The following LTBP1 variants were observed in gnomAD, a reference collection of about 807,000 sequenced individuals.
LTBP1 encodes latent-transforming growth factor beta-binding protein 1.
LTBP1 carries 129 observed loss-of-function variants against 207.6 expected under a neutral mutation model. The ratio of observed to expected loss-of-function variants is 0.62; its 90% CI spans 0.54 to 0.72. LTBP1 has a LOEUF of 0.72. LTBP1 is among the 30% of genes least tolerant of loss of function. The pLI is 0.00. For missense variants in LTBP1, 2,281 were observed against 2,217.2 expected, an observed-to-expected ratio of 1.03 and a Z score of -0.58; for synonymous variants, 963 against 833.7, an observed-to-expected ratio of 1.16 and a Z score of -2.67.
Position 33,102,643 on chromosome 2 carries a change from T to C in LTBP1, c.864-7939T>C, listed in dbSNP as rs80243735. On this transcript the variant is annotated intron_variant, in intron 3 of 33. Transcript: ENST00000404816. Reference sequence around the variant, plus strand: ...CTCTTATATTTTCATTTCTCCCATTTTCCTGACTTTGTGTTTGCTCCTTTC... The same window carrying C: ...CTCTTATATTTTCATTTCTCCCATTCTCCTGACTTTGTGTTTGCTCCTTTC... 3.1e-3 allele frequency among the ~76,000 whole-genome samples: 477 copies of C among 152,344 alleles called. 2 individuals are homozygous for C. Among genetic ancestry groups the C allele is most frequent in the African/African-American group, 0.011 (452 of 41,584 alleles).
chr2:33,383,969 T>C (rs2095244220), intron 31 of LTBP1, among the ~76,000 whole-genome samples: 1 of 152,222 alleles, frequency 6.6e-6, no homozygotes, highest in Non-Finnish European at 1.5e-5. Context: ...CTCTCTACCA[T>C]TTCTAAAAAC....
At chr2:33,285,451 C>CTT (rs199993814) in intron 19 of LTBP1, among the ~76,000 whole-genome samples, 18,186 of 124,296 alleles carry the variant, frequency 0.15, 1,919 homozygotes, top group African/African-American at 0.23. Flanking sequence ...CTTTCTTTTT[C>CTT]TTTTTTTTTT....
At chr2:33,177,935 G>A (rs6543699) in intron 5 of LTBP1, among the ~76,000 whole-genome samples, 66,053 of 151,966 alleles carry the variant, frequency 0.43, 15,091 homozygotes, top group Non-Finnish European at 0.5. Flanking sequence ...ATCACATTAC[G>A]CTAGCCAAAA....
chr2:33,093,948 A>C (rs1021637547), intron 3 of LTBP1, among the ~76,000 whole-genome samples: 1 of 152,208 alleles, frequency 6.6e-6, no homozygotes, highest in Non-Finnish European at 1.5e-5. Context: ...AGTGGGACTT[A>C]GAACTCAGCA....
At chr2:33,137,587 C>T (rs2082249204) in intron 5 of LTBP1, among the ~76,000 whole-genome samples, 1 of 152,220 alleles carries the variant, frequency 6.6e-6, no homozygotes, top group Non-Finnish European at 1.5e-5. Flanking sequence ...GAGTGCCATT[C>T]TCTAAGGAGT....
At chr2:33,354,518 C>T (rs528663315) in intron 26 of LTBP1, among the ~76,000 whole-genome samples, 5 of 152,066 alleles carry the variant, frequency 3.3e-5, no homozygotes, top group South Asian at 4.2e-4. Context: ...CCACATCCAG[C>T]GATGACAATG....
At chr2:33,060,709 T>C (rs1313166610) in intron 3 of LTBP1, among the ~76,000 whole-genome samples, 1 of 151,588 alleles carries the variant, frequency 6.6e-6, no homozygotes, top group Non-Finnish European at 1.5e-5. Context: ...TGGCTAACTG[T>C]GGTCTTTAAT....
chr2:33,139,720 G>T (rs141428448), intron 5 of LTBP1, among the ~76,000 whole-genome samples: 1 of 152,136 alleles, frequency 6.6e-6, no homozygotes, highest in African/African-American at 2.4e-5. Context: ...GGGAGTAGAG[G>T]GAAGAGAGAA....
At chr2:33,240,006 A>G (rs1450571695) in intron 9 of LTBP1, among the ~76,000 whole-genome samples, 1 of 152,186 alleles carries the variant, frequency 6.6e-6, no homozygotes, top group African/African-American at 2.4e-5. Context: ...CTATTTATAA[A>G]ATGACAAATA....
Position 32,963,514 on chromosome 2 carries a change from A to G in LTBP1, c.565+14569A>G, listed in dbSNP as rs543607740. Among the ~76,000 whole-genome samples, 4 of 152,206 alleles carry G rather than the reference A, an allele frequency of 2.6e-5. No homozygotes were observed. In the South Asian group the frequency reaches 8.3e-4, roughly 32 times the overall value. On this transcript the variant is annotated intron_variant, in intron 2 of 33. Coordinates refer to ENST00000404816, the MANE Select transcript of LTBP1 (RefSeq NM_206943.4). ...GTGTGAGCCACTGCACCTGACCACC[A>G]TGCACATTAATACACATTCTATACT...
intron 26 of LTBP1, among the ~76,000 whole-genome samples, chr2:33,358,909 C>G (rs894340829): frequency 1.3e-5 from 2 of 152,100 alleles, no homozygotes; most frequent in Non-Finnish European, 2.9e-5. Flanking sequence ...GCCCTTCTAA[C>G]GAAGATCCGT....
chr2:33,318,332 CAGCTATTTGT>C (rs1559002852), intron 24 of LTBP1, among the ~76,000 whole-genome samples: 22 of 152,090 alleles, frequency 1.4e-4, no homozygotes, highest in African/African-American at 4.3e-4. Flanking sequence ...GGTGGGTGGG[CAGCTATTTGT>C]CATTTATTCA....
chr2:33,376,050 C>G (rs1210477574), intron 31 of LTBP1, among the ~76,000 whole-genome samples: 1 of 152,070 alleles, frequency 6.6e-6, no homozygotes, highest in African/African-American at 2.4e-5. Flanking sequence ...CATATAAATT[C>G]TATTAATTAA....
At chr2:33,244,729 A>G (rs144797657) in intron 10 of LTBP1, among the ~76,000 whole-genome samples, 1 of 152,338 alleles carries the variant, frequency 6.6e-6, no homozygotes, top group Non-Finnish European at 1.5e-5. Flanking sequence ...TAGCATGACT[A>G]TAGACATGGG....
chr2:33,044,547 C>T (rs1195900001), intron 3 of LTBP1, among the ~76,000 whole-genome samples: 2 of 152,126 alleles, frequency 1.3e-5, no homozygotes, highest in East Asian at 3.9e-4. Flanking sequence ...CAAGTCCTTG[C>T]TATTGTGAAC....
intron 13 of LTBP1, among the ~76,000 whole-genome samples, 192 bp downstream of exon 13, chr2:33,259,802 G>A (rs910232397): frequency 1.1e-4 from 16 of 152,048 alleles, no homozygotes; most frequent in Non-Finnish European, 4.4e-5. Flanking sequence ...ACTCTTCTCA[G>A]TGTTAGGAAA....
At chr2:33,305,750 G>A (rs1237792943) in intron 22 of LTBP1, among the ~76,000 whole-genome samples, 2 of 152,104 alleles carry the variant, frequency 1.3e-5, no homozygotes, top group Admixed American at 1.3e-4. Context: ...TGAGGAAATG[G>A]GTAAGAACCA....
At chr2:33,161,859 G>C (rs538729600) in intron 5 of LTBP1, among the ~76,000 whole-genome samples, 1 of 152,282 alleles carries the variant, frequency 6.6e-6, no homozygotes, top group South Asian at 2.1e-4. Context: ...CATTTGGTTA[G>C]TGAGTAAATA....
intron 12 of LTBP1, 81 bp from the exon 13 acceptor site, chr2:33,259,507 C>T: frequency 1.0e-6 from 1 of 989,164 alleles, no homozygotes; most frequent in Non-Finnish European, 1.5e-6. Flanking sequence ...TAATGGACTT[C>T]TATTGTTTTT....
Sources: gnomAD v4.1 joint callset for allele counts (sites outside exome capture counted in the v4.1 genomes callset) on GRCh38, gnomAD v4.1.1 for gene constraint, MANE v1.5 for transcripts, NCBI Gene and HGNC (gene_info 2026-07-23, HGNC 2026-07-21) for gene names.